CLEC17A: variants seen among roughly 807,000 people sequenced by gnomAD.
CLEC17A encodes C-type lectin domain containing 17A.
A neutral mutation model predicts 61.3 loss-of-function variants in CLEC17A; 37 were observed. The observed-to-expected ratio is 0.60, with a 90% confidence interval of 0.46 to 0.79. The LOEUF (loss-of-function observed/expected upper bound fraction) is 0.79, where lower values mean the gene tolerates loss of function less well. Ranked by LOEUF, CLEC17A falls within the 30% of genes least tolerant of loss-of-function variation. CLEC17A has a pLI of 0.00. For missense variants in CLEC17A, 418 were observed against 464.7 expected (o/e 0.90, Z 0.92); for synonymous variants, 168 against 164.9 (o/e 1.02, Z -0.14).
intron 3 of CLEC17A, chr19:14,588,669 A>C (rs1179557695): frequency 6.6e-6 from 1 of 152,004 alleles, no homozygotes; most frequent in African/African-American, 2.4e-5. Flanking sequence ...AAAAATAGAG[A>C]AAATGAAACC....
At chr19:14,602,794 A>C (rs2146732293) in intron 12 of CLEC17A, among the ~76,000 whole-genome samples, 1 of 151,486 alleles carries the variant, frequency 6.6e-6, no homozygotes, top group East Asian at 1.9e-4. Flanking sequence ...GGAGTGCAGC[A>C]GCATGATCTT....
At chr19:14,606,849 C>T (rs2074890149) in intron 12 of CLEC17A, 144 bp from the exon 13 acceptor site, 1 of 358,930 alleles carries the variant, frequency 2.8e-6, no homozygotes, top group Non-Finnish European at 5.0e-6. Context: ...GACATTGATC[C>T]TGTTCTGCAT....
In CLEC17A at chr19:14,610,260, T is replaced by G; in HGVS notation, c.*64T>G. The G allele has an allele frequency of 6.5e-7, 1 of 1,535,434 alleles. No homozygotes were observed. The highest frequency in any genetic ancestry group is 1.2e-5 in the South Asian group (1 of 83,428). On this transcript the variant is annotated 3_prime_UTR_variant, in exon 14 of 14. Coordinates refer to ENST00000417570, the MANE Select transcript of CLEC17A (RefSeq NM_001204118.2). ...TCTTTGAGATGAGAATCTCCTGCCC[T>G]TTCGTGGACGGCCTTGCCTCTTCGT...
chr19:14,588,447 G>A (rs746682012), intron 3 of CLEC17A: 2 of 152,054 alleles, frequency 1.3e-5, no homozygotes, highest in East Asian at 1.9e-4. Flanking sequence ...GGGCTATTGT[G>A]AAGTATGTGA....
intron 13 of CLEC17A, among the ~76,000 whole-genome samples, chr19:14,607,508 C>G (rs891933538): frequency 6.6e-6 from 1 of 150,466 alleles, no homozygotes; most frequent in Admixed American, 6.6e-5. Flanking sequence ...CGGCCAGGAG[C>G]TGGTTTTTAC....
intron 2 of CLEC17A, among the ~76,000 whole-genome samples, chr19:14,587,173 G>GGGGAT (rs2074304186): frequency 6.6e-6 from 1 of 151,928 alleles, no homozygotes; most frequent in Admixed American, 6.6e-5. Flanking sequence ...GATTACAGAC[G>GGGGAT]TGAGCCACCA....
Position 14,611,431 on chromosome 19 carries a change from G to A in CLEC17A, c.*1235G>A. ...TTCATTCTACTACCCAGGCTGGAGT[G>A]CAGTGGCACAATCATAGCTTACTGC... On this transcript the variant is annotated 3_prime_UTR_variant, in exon 14 of 14. Coordinates refer to ENST00000417570, the MANE Select transcript of CLEC17A (RefSeq NM_001204118.2). Among the ~76,000 whole-genome samples, 1 of 137,350 alleles carries A rather than the reference G, an allele frequency of 7.3e-6. No homozygotes were observed. Among genetic ancestry groups the A allele is most frequent in the Non-Finnish European group, 1.5e-5 (1 of 65,942 alleles). 90.1% of individuals were successfully genotyped at this position (137,350 alleles called of 152,430 possible). A position where few individuals can be genotyped will look rare whatever the true frequency, so the allele number is the denominator to read the frequency against.
rs1441012972 is a variant in CLEC17A at position 14,611,428 on chromosome 19, A to C, written c.*1232A>C. ...GGTTTCATTCTACTACCCAGGCTGG[A>C]GTGCAGTGGCACAATCATAGCTTAC... On this transcript the variant is annotated 3_prime_UTR_variant, in exon 14 of 14. Transcript: ENST00000417570. Among the ~76,000 whole-genome samples, 1 of 126,268 alleles carries C rather than the reference A, an allele frequency of 7.9e-6. No homozygotes were observed. Among genetic ancestry groups the C allele is most frequent in the Non-Finnish European group, 1.6e-5 (1 of 64,392 alleles). The allele number at this position is 126,268 out of a possible 152,430, so 82.8% of individuals were successfully genotyped here.
chr19:14,604,853 G>C (rs776700272), intron 12 of CLEC17A, among the ~76,000 whole-genome samples: 4 of 152,026 alleles, frequency 2.6e-5, no homozygotes, highest in Non-Finnish European at 5.9e-5. Flanking sequence ...ACATCAATTG[G>C]CATTGCCTAT....
chr19:14,582,668 C>A (rs752869002), upstream of CLEC17A, among the ~76,000 whole-genome samples: 2 of 151,588 alleles, frequency 1.3e-5, no homozygotes, highest in East Asian at 3.9e-4. Context: ...AGTGCAGTGG[C>A]GTGATCTCGG....
chr19:14,587,130 C>T (rs151026913), intron 2 of CLEC17A, among the ~76,000 whole-genome samples: 4 of 151,762 alleles, frequency 2.6e-5, no homozygotes, highest in South Asian at 4.2e-4. Context: ...CAAACTCAGG[C>T]GACCTGCCAG....
At chr19:14,585,662 C>T (rs2074265128) in intron 2 of CLEC17A, among the ~76,000 whole-genome samples, 1 of 147,004 alleles carries the variant, frequency 6.8e-6, no homozygotes, top group African/African-American at 2.5e-5. Flanking sequence ...ACTGAGGCCT[C>T]CCACCAACAG....
chr19:14,605,041 G>C (rs781364696), intron 12 of CLEC17A, among the ~76,000 whole-genome samples: 1 of 150,738 alleles, frequency 6.6e-6, no homozygotes, highest in Non-Finnish European at 1.5e-5. Context: ...CAGTCAAAAA[G>C]TCTAAAATGG....
At chr19:14,590,556 T>A (rs1362773863) in intron 3 of CLEC17A, among the ~76,000 whole-genome samples, 1 of 152,018 alleles carries the variant, frequency 6.6e-6, no homozygotes, top group African/African-American at 2.4e-5. Flanking sequence ...CCCGGCTAAT[T>A]TTGTATTTTT....
In CLEC17A at chr19:14,610,597, G is replaced by A; in HGVS notation, c.*401G>A. On this transcript the variant is annotated 3_prime_UTR_variant, in exon 14 of 14. Coordinates refer to ENST00000417570, the MANE Select transcript of CLEC17A (RefSeq NM_001204118.2). ...GAGCTGGGACTGGGCTCCTTTTCCT[G>A]CAGCCTCAAACTTCTGGGCTCAGGT... The A allele has an allele frequency of 5.5e-6, 1 of 182,114 alleles. No homozygotes were observed. The highest frequency in any genetic ancestry group is 1.2e-5 in the Non-Finnish European group (1 of 85,706). 11.3% of individuals were successfully genotyped at this position (182,114 alleles called of 1,614,324 possible). A position where few individuals can be genotyped will look rare whatever the true frequency, so the allele number is the denominator to read the frequency against.
At position 14,596,958 on chromosome 19, in the gene CLEC17A, G is replaced by T; in HGVS notation, c.528G>T (p.Leu176=). Residue 176 remains leucine, a synonymous_variant, in exon 9 of 14, where the codon CTG becomes CTT. Transcript: ENST00000417570. Reference sequence around the variant, plus strand: ...GGTGGATGGTGTACCTGTGTCTGCTGGTGGTGACTTCCCTGTTCCTGGGCT... The same window carrying T: ...GGTGGATGGTGTACCTGTGTCTGCTTGTGGTGACTTCCCTGTTCCTGGGCT... ...QKRWMVYLCL[L]VVTSLFLGCL... 1 of 1,608,672 alleles carries T rather than the reference G, an allele frequency of 6.2e-7. No homozygotes were observed. Among genetic ancestry groups the T allele is most frequent in the Middle Eastern group, 1.7e-4 (1 of 6,060 alleles).
chr19:14,596,583 A>G (rs749994710), intron 8 of CLEC17A, among the ~76,000 whole-genome samples: 2 of 152,138 alleles, frequency 1.3e-5, no homozygotes, highest in African/African-American at 2.4e-5. Context: ...GCAGTGAGCT[A>G]TAACTGTGCC....
chr19:14,584,420 G>C (rs2074240713), intron 2 of CLEC17A: 1 of 152,138 alleles, frequency 6.6e-6, no homozygotes, highest in African/African-American at 2.4e-5. Context: ...AATGAAACCG[G>C]AGGTTTTTGA....
upstream of CLEC17A, among the ~76,000 whole-genome samples, chr19:14,581,745 C>T (rs2074184809): frequency 6.6e-6 from 1 of 151,924 alleles, no homozygotes; most frequent in Non-Finnish European, 1.5e-5. Flanking sequence ...CTCTACCTCC[C>T]GAGTTCAAAC....
Sources: gnomAD v4.1 joint callset for allele counts (sites outside exome capture counted in the v4.1 genomes callset) on GRCh38, gnomAD v4.1.1 for gene constraint, MANE v1.5 for transcripts, NCBI Gene and HGNC (gene_info 2026-07-23, HGNC 2026-07-21) for gene names.